SGCZ: variants seen among roughly 807,000 people sequenced by gnomAD.
SGCZ encodes the protein zeta-sarcoglycan.
Under a neutral mutation model 41.3 loss-of-function variants are expected in SGCZ, and 40 were observed. The ratio of observed to expected loss-of-function variants is 0.97; its 90% CI spans 0.75 to 1.26. The LOEUF is 1.26. Ranked by LOEUF, SGCZ falls within the 50% of genes most tolerant of loss-of-function variation. The pLI, the probability that SGCZ is intolerant of heterozygous loss-of-function variation, is 0.00. For synonymous variants in SGCZ, 206 were observed against 137.5 expected, an observed-to-expected ratio of 1.50 and a Z score of -3.49; for missense variants, 552 against 369.8, an observed-to-expected ratio of 1.49 and a Z score of -4.04.
At chr8:14,434,748 G>C (rs1015109785) in intron 2 of SGCZ, among the ~76,000 whole-genome samples, 2 of 152,110 alleles carry the variant, frequency 1.3e-5, no homozygotes, top group African/African-American at 4.8e-5. Context: ...AAAAGAAGTT[G>C]AGTTCTTGAT....
At chr8:14,576,685 C>G (rs1417493733) in intron 1 of SGCZ, among the ~76,000 whole-genome samples, 1 of 152,140 alleles carries the variant, frequency 6.6e-6, no homozygotes, top group Non-Finnish European at 1.5e-5. Context: ...TTTAATCTAA[C>G]TGATTAGAGA....
intron 1 of SGCZ, among the ~76,000 whole-genome samples, chr8:15,125,806 AC>A (rs1467130168): frequency 1.1e-4 from 16 of 152,196 alleles, no homozygotes; most frequent in Admixed American, 3.3e-4. Context: ...ACTTCCATAA[AC>A]TTTTACAAGT....
At chr8:15,029,558 T>A (rs999222672) in intron 1 of SGCZ, among the ~76,000 whole-genome samples, 2 of 152,130 alleles carry the variant, frequency 1.3e-5, no homozygotes, top group African/African-American at 4.8e-5. Flanking sequence ...TAACTACAAT[T>A]TTGAAACAAT....
rs111814778 is a variant in SGCZ at position 14,599,095 on chromosome 8, T to C, written c.40-44169A>G. On this transcript the variant is annotated intron_variant, in intron 1 of 7. Coordinates refer to ENST00000382080, the MANE Select transcript of SGCZ (RefSeq NM_139167.4). The stretch of plus-strand genomic sequence containing the variant: ...TTATTCATTCAACAGCATGATCATA[T>C]GCAAAACTGTTTCATCAACAACATC... Among the ~76,000 whole-genome samples the C allele has an allele frequency of 1.5e-3, 225 of 152,294 alleles. 2 individuals carry two copies. Among genetic ancestry groups the C allele is most frequent in the African/African-American group, 5.0e-3 (208 of 41,568 alleles).
rs191616965 is a variant in SGCZ at position 14,157,393 on chromosome 8, T to C, written c.547+7187A>G. On this transcript the variant is annotated intron_variant, in intron 5 of 7. Coordinates refer to ENST00000382080, the MANE Select transcript of SGCZ (RefSeq NM_139167.4). Reference sequence around the variant, plus strand: ...GTGTGTGTGTGTGTGTGTGTGTGTGTATGCTCAGCCCATAGAAGCATCTCC... The same window carrying C: ...GTGTGTGTGTGTGTGTGTGTGTGTGCATGCTCAGCCCATAGAAGCATCTCC... Among the ~76,000 whole-genome samples the C allele has an allele frequency of 4.4e-3, 653 of 149,380 alleles. 5 individuals are homozygous for C. The highest frequency in any genetic ancestry group is 0.016 in the African/African-American group (636 of 40,732).
chr8:14,915,513 A>T (rs1799407936), intron 1 of SGCZ, among the ~76,000 whole-genome samples: 1 of 152,132 alleles, frequency 6.6e-6, no homozygotes, highest in Non-Finnish European at 1.5e-5. Flanking sequence ...CAGGGCCTAG[A>T]CATGTTCAAG....
At chr8:14,633,137 A>G (rs546863696) in intron 1 of SGCZ, among the ~76,000 whole-genome samples, 1 of 152,132 alleles carries the variant, frequency 6.6e-6, no homozygotes, top group East Asian at 1.9e-4. Context: ...TGCTGAGTTA[A>G]AATGCATTAG....
At chr8:14,440,968 T>C (rs1310558045) in intron 2 of SGCZ, among the ~76,000 whole-genome samples, 1 of 152,078 alleles carries the variant, frequency 6.6e-6, no homozygotes, top group Non-Finnish European at 1.5e-5. Context: ...TTATGAAGGA[T>C]AGGCTTTGAA....
chr8:14,463,058 G>T (rs1044461067), intron 2 of SGCZ, among the ~76,000 whole-genome samples: 10 of 151,512 alleles, frequency 6.6e-5, no homozygotes, highest in African/African-American at 2.2e-4. Context: ...TGCTGAATAG[G>T]TTTATTAATC....
At chr8:15,217,354 T>C (rs921633947) in intron 1 of SGCZ, among the ~76,000 whole-genome samples, 1 of 150,652 alleles carries the variant, frequency 6.6e-6, no homozygotes, top group African/African-American at 2.4e-5. Flanking sequence ...GAGGCGGAGC[T>C]TGCAGTGAGT....
chr8:14,781,874 A>C (rs985493479), intron 1 of SGCZ, among the ~76,000 whole-genome samples: 1 of 152,182 alleles, frequency 6.6e-6, no homozygotes, highest in Non-Finnish European at 1.5e-5. Context: ...TATCTCATGT[A>C]ATTTATTGAA....
intron 1 of SGCZ, among the ~76,000 whole-genome samples, chr8:15,052,576 G>C (rs1413166557): frequency 1.3e-5 from 2 of 152,112 alleles, no homozygotes; most frequent in Non-Finnish European, 2.9e-5. Flanking sequence ...AGTCTCAGTA[G>C]TGTATTTTCT....
intron 1 of SGCZ, among the ~76,000 whole-genome samples, chr8:14,948,608 G>C (rs1800532045): frequency 6.6e-6 from 1 of 152,022 alleles, no homozygotes; most frequent in African/African-American, 2.4e-5. Flanking sequence ...ACTCCAGGTA[G>C]TTTCCACTGT....
intron 1 of SGCZ, among the ~76,000 whole-genome samples, chr8:14,797,883 A>C (rs796696749): frequency 3.9e-5 from 6 of 152,374 alleles, no homozygotes; most frequent in African/African-American, 1.4e-4. Flanking sequence ...GAAAACCCCA[A>C]GCCTTGGCAG....
chr8:15,012,025 C>T (rs972155572), intron 1 of SGCZ, among the ~76,000 whole-genome samples: 1 of 152,134 alleles, frequency 6.6e-6, no homozygotes, highest in African/African-American at 2.4e-5. Flanking sequence ...TGAACTTGCA[C>T]ACAGAATTCT....
In SGCZ at chr8:15,001,760, A is replaced by G. The variant is rs1454626331; in HGVS notation, c.39+235825T>C. Among the ~76,000 whole-genome samples, 4 of 150,978 alleles carry G rather than the reference A, an allele frequency of 2.6e-5. No individual in the cohort carries two copies. In the East Asian group the frequency reaches 7.8e-4, roughly 29 times the overall value. The stretch of plus-strand genomic sequence containing the variant: ...AAAAAAAAAAAAAAAAAGAGAAAAA[A>G]GGAGTTGAGTGTAATAATGATTAAT... On this transcript the variant is annotated intron_variant, in intron 1 of 7. Coordinates refer to ENST00000382080, the MANE Select transcript of SGCZ (RefSeq NM_139167.4).
At chr8:14,573,116 A>G (rs2117236122) in intron 1 of SGCZ, among the ~76,000 whole-genome samples, 1 of 151,980 alleles carries the variant, frequency 6.6e-6, no homozygotes, top group African/African-American at 2.4e-5. Context: ...TAACCACTTC[A>G]GATAGCAAAT....
chr8:14,958,205 T>C (rs959948909), intron 1 of SGCZ, among the ~76,000 whole-genome samples: 4 of 152,054 alleles, frequency 2.6e-5, no homozygotes, highest in African/African-American at 9.7e-5. Flanking sequence ...ATTTTATATA[T>C]TCTGATGAGT....
chr8:14,126,228 C>A (rs1802855246), intron 5 of SGCZ, among the ~76,000 whole-genome samples: 1 of 151,982 alleles, frequency 6.6e-6, no homozygotes, highest in East Asian at 1.9e-4. Context: ...TGCAATCTAC[C>A]CATTTGACAA....
Sources: gnomAD v4.1 joint callset for allele counts (sites outside exome capture counted in the v4.1 genomes callset) on GRCh38, gnomAD v4.1.1 for gene constraint, MANE v1.5 for transcripts, NCBI Gene and HGNC (gene_info 2026-07-23, HGNC 2026-07-21) for gene names.